ZMYND8: variants seen among roughly 807,000 people sequenced by gnomAD.
ZMYND8 encodes the protein MYND-type zinc finger-containing chromatin reader ZMYND8.
Under a neutral mutation model 140.8 loss-of-function variants are expected in ZMYND8, and 37 were observed. The observed-to-expected ratio is 0.26, with a 90% CI of 0.20 to 0.35. The LOEUF (loss-of-function observed/expected upper bound fraction) is 0.35, where lower values mean the gene tolerates loss of function less well. Among genes scored for constraint, ZMYND8 ranks in the 10% least tolerant of loss-of-function variants. The pLI, the probability that ZMYND8 is intolerant of heterozygous loss-of-function variation, is 1.00. For missense variants in ZMYND8, 1,068 were observed against 1,570.0 expected, an observed-to-expected ratio of 0.68 and a Z score of 5.40; for synonymous variants, 592 against 597.1, an observed-to-expected ratio of 0.99 and a Z score of 0.12.
chr20:47,231,121 T>C (rs2038419362), intron 16 of ZMYND8, among the ~76,000 whole-genome samples: 1 of 152,126 alleles, frequency 6.6e-6, no homozygotes, highest in Non-Finnish European at 1.5e-5. Context: ...CATCAGCCAG[T>C]TGGTGACATC....
intron 2 of ZMYND8, among the ~76,000 whole-genome samples, chr20:47,334,581 C>T (rs2081233164): frequency 6.8e-6 from 1 of 146,898 alleles, no homozygotes; most frequent in Admixed American, 6.8e-5. Context: ...GTGCTGTTGG[C>T]TGCACAACTC....
intron 21 of ZMYND8, among the ~76,000 whole-genome samples, chr20:47,216,751 G>A (rs1335091998): frequency 6.6e-6 from 1 of 152,128 alleles, no homozygotes; most frequent in East Asian, 1.9e-4. Context: ...AGGTTGCAGT[G>A]AGCCGAGATC....
chr20:47,262,404 C>T lies in ZMYND8; in HGVS notation c.1505G>A (p.Gly502Glu). 2 of 1,613,886 alleles carry T rather than the reference C, an allele frequency of 1.2e-6. No homozygotes were observed. The highest frequency in any genetic ancestry group is 1.7e-6 in the Non-Finnish European group (2 of 1,180,000). The change falls in exon 12 of 23, where the codon GGA becomes GAA. Residue 502 changes from glycine to glutamate, a missense_variant. By Grantham distance (98) the Gly-to-Glu change is moderately conservative. This residue lies in a region of ZMYND8 where 173 missense variants were observed against 223.3 expected (regional missense o/e 0.77). Coordinates refer to ENST00000471951, the MANE Select transcript of ZMYND8 (RefSeq NM_001281775.3). ...STASPASTKT[G>E]QAGSLSGSPK... is the part of the protein sequence containing the mutation. ...GCTGCCGGATAAACTCCCTGCTTGT[C>T]CCGTCTTGGTGGAGGCTGGTGAAGC...
intron 15 of ZMYND8, 49 bp downstream of exon 15, chr20:47,238,709 G>A: frequency 1.3e-6 from 2 of 1,571,240 alleles, no homozygotes; most frequent in Non-Finnish European, 1.7e-6. Flanking sequence ...CTGTCGATGT[G>A]GCAAAATGGG....
intron 2 of ZMYND8, among the ~76,000 whole-genome samples, chr20:47,340,146 T>C (rs1015123141): frequency 1.3e-5 from 2 of 152,116 alleles, no homozygotes; most frequent in Admixed American, 6.6e-5. Flanking sequence ...TTCACCATAT[T>C]GGCCAGGCTG....
At chr20:47,241,151 C>T (rs543147281) in intron 14 of ZMYND8, among the ~76,000 whole-genome samples, 1 of 151,688 alleles carries the variant, frequency 6.6e-6, no homozygotes, top group East Asian at 2.0e-4. Flanking sequence ...AAAAATTAGC[C>T]GGGCATGGTG....
chr20:47,321,235 T>C (rs1193661756), intron 2 of ZMYND8, among the ~76,000 whole-genome samples: 1 of 152,188 alleles, frequency 6.6e-6, no homozygotes, highest in East Asian at 1.9e-4. Flanking sequence ...GTACCCGGCA[T>C]ACAGCAGGAG....
chr20:47,244,138 C>G (rs758593160), intron 14 of ZMYND8, among the ~76,000 whole-genome samples: 27 of 152,188 alleles, frequency 1.8e-4, no homozygotes, highest in Non-Finnish European at 3.7e-4. Context: ...ATTCTCAAGG[C>G]CCATCCCTGA....
chr20:47,340,509 AG>A (rs2081764818), intron 2 of ZMYND8, among the ~76,000 whole-genome samples: 1 of 151,734 alleles, frequency 6.6e-6, no homozygotes, highest in African/African-American at 2.4e-5. Flanking sequence ...AAAAAAAAAA[AG>A]GCCGGAGGCG....
At chr20:47,220,861 A>G (rs1223021174) in intron 20 of ZMYND8, among the ~76,000 whole-genome samples, 1 of 152,230 alleles carries the variant, frequency 6.6e-6, no homozygotes, top group Non-Finnish European at 1.5e-5. Context: ...ACACCCTGGC[A>G]AACAAACAAG....
Position 47,217,748 on chromosome 20 carries a change from CATG to C in ZMYND8, c.3484+2507_3484+2509del, listed in dbSNP as rs904011256. ...TGCTCTTACAGACATTGGGGAAAAA[CATG>C]ATAAGGTGTTCATGCTCTTCAGTAT... On this transcript the variant is annotated intron_variant, in intron 21 of 22. Coordinates refer to ENST00000471951, the MANE Select transcript of ZMYND8 (RefSeq NM_001281775.3). 3.3e-5 allele frequency among the ~76,000 whole-genome samples: 5 copies of C among 152,292 alleles called. No individual in the cohort carries two copies. In the South Asian group the frequency reaches 6.2e-4, roughly 19 times the overall value.
chr20:47,354,628 CAG>C (rs2083070994), intron 1 of ZMYND8: 1 of 152,110 alleles, frequency 6.6e-6, no homozygotes, highest in African/African-American at 2.4e-5. Flanking sequence ...AATTCGGTGT[CAG>C]AAAGTGGGCT....
In ZMYND8 at chr20:47,221,478, G is replaced by T; in HGVS notation, c.3257-4C>A. 6.2e-7 allele frequency: 1 copy of T among 1,613,534 alleles called. No homozygotes were observed. On this transcript the variant is annotated splice_region_variant and splice_polypyrimidine_tract_variant and intron_variant, in intron 19 of 22. Coordinates refer to ENST00000471951, the MANE Select transcript of ZMYND8 (RefSeq NM_001281775.3). ...GCTTCCTGCTGAGGAGCAGTAGCTG[G>T]GGACAAAGGAGAGAGAGAGACGCCA...
chr20:47,229,541 C>T (rs1442507634), intron 17 of ZMYND8, among the ~76,000 whole-genome samples, 185 bp downstream of exon 17: 1 of 152,150 alleles, frequency 6.6e-6, no homozygotes. Context: ...GGGCATGTCT[C>T]CACAGCCCCA....
chr20:47,280,804 C>T (rs1450705021), intron 10 of ZMYND8, among the ~76,000 whole-genome samples: 1 of 152,160 alleles, frequency 6.6e-6, no homozygotes, highest in Non-Finnish European at 1.5e-5. Flanking sequence ...ACCCCTCTGA[C>T]TCCAGCTGTG....
chr20:47,347,148 T>C (rs2082403997), intron 2 of ZMYND8, among the ~76,000 whole-genome samples: 1 of 152,190 alleles, frequency 6.6e-6, no homozygotes, highest in Non-Finnish European at 1.5e-5. Context: ...AGATGAGCCT[T>C]TTCATCAACC....
intron 13 of ZMYND8, among the ~76,000 whole-genome samples, chr20:47,247,896 G>A (rs1256964860): frequency 6.6e-6 from 1 of 152,190 alleles, no homozygotes; most frequent in African/African-American, 2.4e-5. Context: ...AGAACTGCTT[G>A]AACCCAGGAG....
chr20:47,303,967 C>A (rs571593314), intron 3 of ZMYND8, among the ~76,000 whole-genome samples: 2 of 152,182 alleles, frequency 1.3e-5, no homozygotes, highest in Non-Finnish European at 2.9e-5. Context: ...CCTGGTTAAT[C>A]TCCTTATCAA....
At chr20:47,229,677 G>A (rs762069313) in intron 17 of ZMYND8, 49 bp downstream of exon 17, 2 of 1,570,804 alleles carry the variant, frequency 1.3e-6, no homozygotes, top group Non-Finnish European at 8.8e-7. Flanking sequence ...CTTTAAAGCA[G>A]CCCACAAAAC....
Sources: allele counts gnomAD v4.1 joint callset (sites outside exome capture counted in the v4.1 genomes callset), GRCh38; gene constraint gnomAD v4.1.1; regional missense constraint gnomAD v4.1.1; transcripts MANE v1.5; gene names NCBI Gene and HGNC (gene_info 2026-07-23, HGNC 2026-07-21).